ERBB4: variants seen among roughly 807,000 people sequenced by gnomAD.
The protein encoded by ERBB4 is erb-b2 receptor tyrosine kinase 4.
A neutral mutation model predicts 158.0 loss-of-function variants in ERBB4; 42 were observed. The observed-to-expected ratio is 0.27, with a 90% CI of 0.21 to 0.34. The LOEUF (loss-of-function observed/expected upper bound fraction) is 0.34. Ranked by LOEUF, ERBB4 falls within the 10% of genes least tolerant of loss-of-function variation. ERBB4 has a pLI of 1.00. For synonymous variants in ERBB4, 583 were observed against 558.7 expected, an observed-to-expected ratio of 1.04 and a Z score of -0.61; for missense variants, 1,333 against 1,624.1, an observed-to-expected ratio of 0.82 and a Z score of 3.08.
chr2:212,146,486 A>G (rs2080677751), intron 1 of ERBB4, among the ~76,000 whole-genome samples: 1 of 152,172 alleles, frequency 6.6e-6, no homozygotes, highest in South Asian at 2.1e-4. Flanking sequence ...GAAATTGTGC[A>G]CTATTTCTTC....
intron 9 of ERBB4, among the ~76,000 whole-genome samples, 156 bp downstream of exon 9, chr2:211,711,894 T>C (rs1290048906): frequency 2.6e-5 from 4 of 152,142 alleles, no homozygotes; most frequent in African/African-American, 9.7e-5. Context: ...ATACTGTCAT[T>C]GCTGGTGAAA....
At chr2:212,528,649 A>G (rs1251280873) in intron 1 of ERBB4, among the ~76,000 whole-genome samples, 2 of 152,338 alleles carry the variant, frequency 1.3e-5, no homozygotes, top group African/African-American at 4.8e-5. Context: ...AGGTACAATT[A>G]GTGCACCCTA....
At chr2:211,524,281 C>A (rs2066273971) in intron 20 of ERBB4, among the ~76,000 whole-genome samples, 1 of 152,206 alleles carries the variant, frequency 6.6e-6, no homozygotes, top group African/African-American at 2.4e-5. Flanking sequence ...GGTTCTCCAC[C>A]TCTCCACCAG....
intron 3 of ERBB4, among the ~76,000 whole-genome samples, chr2:211,921,569 T>G (rs1056501473): frequency 6.6e-5 from 10 of 152,108 alleles, no homozygotes; most frequent in Non-Finnish European, 1.3e-4. Context: ...GTTTCTATTC[T>G]CTTAGACAAA....
rs375420942 is a variant in ERBB4 at position 212,076,864 on chromosome 2, C to T, written c.234+47888G>A. On this transcript the variant is annotated intron_variant, in intron 2 of 27. Coordinates refer to ENST00000342788, the MANE Select transcript of ERBB4 (RefSeq NM_005235.3). ...TTAAGAGAGTAAAAATGCAAGCCACCGAAAGGGTACATATATTTGTAATTT... is the reference window on the plus strand; with the variant it reads ...TTAAGAGAGTAAAAATGCAAGCCACTGAAAGGGTACATATATTTGTAATTT... Among the ~76,000 whole-genome samples the T allele has an allele frequency of 2.1e-4, 32 of 151,652 alleles. No individual in the cohort carries two copies. The South Asian group carries it at 4.6e-3, about 22-fold the overall frequency.
chr2:211,488,886 C>T (rs2065271357), intron 20 of ERBB4, among the ~76,000 whole-genome samples: 1 of 152,058 alleles, frequency 6.6e-6, no homozygotes, highest in South Asian at 2.1e-4. Flanking sequence ...CCATTCCATT[C>T]CAACTTATTT....
In ERBB4 at chr2:211,420,572, T is replaced by C; in HGVS notation, c.3004A>G (p.Lys1002Glu). ...TCATCCAAGAGATTCTGAAAGAACT[T>C]GCTGTCATTTGGACTGGGAAGCTTC... Reference protein sequence around the residue: ...RMKLPSPNDSKFFQNLLDEED... With the variant: ...RMKLPSPNDSEFFQNLLDEED... Residue 1002 changes from lysine (K) to glutamate (E), a missense_variant, in exon 25 of 28, where the codon AAG becomes GAG. Around this residue, in one of 5 missense-constraint regions of ERBB4, gnomAD observed 314 missense variants for 437.6 expected, o/e 0.72. Coordinates refer to ENST00000342788, the MANE Select transcript of ERBB4 (RefSeq NM_005235.3). 6.2e-7 allele frequency: 1 copy of C among 1,613,036 alleles called. No individual in the cohort carries two copies. The highest frequency in any genetic ancestry group is 1.1e-5 in the South Asian group (1 of 91,048).
chr2:212,535,437 T>C (rs527849156), intron 1 of ERBB4, among the ~76,000 whole-genome samples: 2 of 152,284 alleles, frequency 1.3e-5, no homozygotes, highest in East Asian at 3.9e-4. Flanking sequence ...TAATGATGTA[T>C]CTTAAATATG....
At position 212,123,162 on chromosome 2, in the gene ERBB4, G is replaced by A. The variant is rs139237737; in HGVS notation, c.234+1590C>T. On this transcript the variant is annotated intron_variant, in intron 2 of 27. Transcript: ENST00000342788. ...CACGCCTGTAATCCCAGCACTTTGGGAGGCCGAGGAGGGCGGATTGCCTGA... is the reference window on the plus strand; with the variant it reads ...CACGCCTGTAATCCCAGCACTTTGGAAGGCCGAGGAGGGCGGATTGCCTGA... 9.8e-3 allele frequency among the ~76,000 whole-genome samples: 1,499 copies of A among 152,328 alleles called. 17 individuals carry two copies. The highest frequency in any genetic ancestry group is 0.034 in the African/African-American group (1,420 of 41,570).
Position 212,320,117 on chromosome 2 carries a change from G to A in ERBB4, c.83-195214C>T, listed in dbSNP as rs567933988. ...TTGTACTGAGGTGAGGGAAAATTAC[G>A]GATTAGGGTTCCAGGTTTGCGGGAT... On this transcript the variant is annotated intron_variant, in intron 1 of 27. Transcript: ENST00000342788. Among the ~76,000 whole-genome samples, 40 of 149,656 alleles carry A rather than the reference G, an allele frequency of 2.7e-4. 2 individuals carry two copies. Among genetic ancestry groups the A allele is most frequent in the Admixed American group, 1.7e-3 (26 of 15,006 alleles).
chr2:212,335,544 A>G (rs35768815), intron 1 of ERBB4, among the ~76,000 whole-genome samples: 4,647 of 152,128 alleles, frequency 0.031, 127 homozygotes, highest in South Asian at 0.13. Flanking sequence ...CCATAAGAAG[A>G]TGCATTTTCG....
intron 3 of ERBB4, among the ~76,000 whole-genome samples, chr2:211,838,501 TA>T (rs2077391986): frequency 6.6e-6 from 1 of 152,162 alleles, no homozygotes; most frequent in Non-Finnish European, 1.5e-5. Context: ...GCAGCTGTTA[TA>T]AAACTCAAGA....
At chr2:211,711,833 A>G (rs2073711912) in intron 9 of ERBB4, among the ~76,000 whole-genome samples, 1 of 152,112 alleles carries the variant, frequency 6.6e-6, no homozygotes, top group Non-Finnish European at 1.5e-5. Flanking sequence ...ACAAATTTAT[A>G]TTTTTGACCT....
chr2:212,301,184 G>A (rs1385066595), intron 1 of ERBB4, among the ~76,000 whole-genome samples: 6 of 149,618 alleles, frequency 4.0e-5, no homozygotes, highest in African/African-American at 7.4e-5. Context: ...TCAAGGACCT[G>A]CCTTCATCTT....
chr2:212,280,258 T>C (rs563054532), intron 1 of ERBB4, among the ~76,000 whole-genome samples: 4 of 151,722 alleles, frequency 2.6e-5, no homozygotes, highest in African/African-American at 7.2e-5. Context: ...GTAGAACATA[T>C]TCATTAATTT....
chr2:211,731,239 A>G (rs1410508624), intron 5 of ERBB4, among the ~76,000 whole-genome samples: 1 of 152,134 alleles, frequency 6.6e-6, no homozygotes, highest in Non-Finnish European at 1.5e-5. Flanking sequence ...ATTTTAAAGC[A>G]TATTTATTTT....
chr2:212,520,840 T>C (rs886585946), intron 1 of ERBB4, among the ~76,000 whole-genome samples: 1 of 151,980 alleles, frequency 6.6e-6, no homozygotes. Context: ...ATGTACGGTT[T>C]TGTGGCACAT....
intron 1 of ERBB4, among the ~76,000 whole-genome samples, chr2:212,264,379 A>T (rs2085054524): frequency 6.6e-6 from 1 of 151,938 alleles, no homozygotes; most frequent in Non-Finnish European, 1.5e-5. Flanking sequence ...GACACATCTC[A>T]TTTCTACCCT....
intron 3 of ERBB4, among the ~76,000 whole-genome samples, chr2:211,823,084 T>C (rs34087388): frequency 0.23 from 35,175 of 151,906 alleles, 4,206 homozygotes; most frequent in South Asian, 0.33. Context: ...CTAGATGAAC[T>C]TGTGCTTGGA....
Sources: gnomAD v4.1 joint callset for allele counts (sites outside exome capture counted in the v4.1 genomes callset) on GRCh38, gnomAD v4.1.1 for gene constraint, gnomAD v4.1.1 regional missense constraint, MANE v1.5 for transcripts, NCBI Gene and HGNC (gene_info 2026-07-23, HGNC 2026-07-21) for gene names.